The following AMPH variants were observed in gnomAD, a reference collection of about 807,000 sequenced individuals.
AMPH encodes amphiphysin.
A neutral mutation model predicts 99.1 loss-of-function variants in AMPH; 49 were observed. The observed-to-expected ratio is 0.49, with a 90% CI of 0.39 to 0.63. The LOEUF (loss-of-function observed/expected upper bound fraction) is 0.63, where lower values mean the gene tolerates loss of function less well. AMPH is among the 20% of genes least tolerant of loss of function. AMPH has a pLI of 0.00. For missense variants in AMPH, 759 were observed against 863.4 expected (o/e 0.88, Z 1.52); for synonymous variants, 314 against 317.3 (o/e 0.99, Z 0.11).
At chr7:38,529,217 G>C (rs939301992) in intron 2 of AMPH, among the ~76,000 whole-genome samples, 1 of 152,110 alleles carries the variant, frequency 6.6e-6, no homozygotes, top group African/African-American at 2.4e-5. Context: ...AGATAATCCA[G>C]AACATGACCA....
At chr7:38,531,839 A>G (rs758908457) in intron 2 of AMPH, among the ~76,000 whole-genome samples, 3 of 152,160 alleles carry the variant, frequency 2.0e-5, no homozygotes, top group Non-Finnish European at 4.4e-5. Context: ...AAAATATGGA[A>G]TCTAGGTTTC....
chr7:38,454,199 T>C (rs573989326), intron 11 of AMPH, among the ~76,000 whole-genome samples: 1 of 152,330 alleles, frequency 6.6e-6, no homozygotes, highest in East Asian at 1.9e-4. Context: ...ATAAGTGTGC[T>C]TGAAAAGAAT....
At chr7:38,561,943 T>C (rs1371605930) in intron 1 of AMPH, among the ~76,000 whole-genome samples, 1 of 151,450 alleles carries the variant, frequency 6.6e-6, no homozygotes, top group Non-Finnish European at 1.5e-5. Context: ...AAAAGTGTTG[T>C]TACTTAAACC....
chr7:38,537,214 G>A (rs1041591382), intron 1 of AMPH, among the ~76,000 whole-genome samples: 9 of 152,024 alleles, frequency 5.9e-5, no homozygotes, highest in Non-Finnish European at 7.4e-5. Flanking sequence ...AATATAAACT[G>A]AAAATAAGAC....
Position 38,431,656 on chromosome 7 carries a change from TAA to T in AMPH, c.1158+531_1158+532del, listed in dbSNP as rs76704369. 2.8e-3 allele frequency among the ~76,000 whole-genome samples: 334 copies of T among 120,400 alleles called. 1 individual carries two copies. The highest frequency in any genetic ancestry group is 8.5e-3 in the African/African-American group (286 of 33,480). The allele number at this position is 120,400 out of a possible 152,430, so 79.0% of individuals were successfully genotyped here. On this transcript the variant is annotated intron_variant, in intron 13 of 20. Coordinates refer to ENST00000356264, the MANE Select transcript of AMPH (RefSeq NM_001635.4). ...TCAATGAAACAGCGAGACTCCGTCT[TAA>T]AAAAAAAAAAAAAAAAAAGTAATTG... is the stretch of plus-strand genomic sequence containing the variant.
At chr7:38,500,985 T>G (rs1789116277) in intron 3 of AMPH, among the ~76,000 whole-genome samples, 1 of 152,182 alleles carries the variant, frequency 6.6e-6, no homozygotes, top group South Asian at 2.1e-4. Context: ...GTAATAGTAG[T>G]AGGTTGCCAT....
chr7:38,409,645 T>C (rs905145519), intron 17 of AMPH, among the ~76,000 whole-genome samples: 1 of 152,178 alleles, frequency 6.6e-6, no homozygotes, highest in African/African-American at 2.4e-5. Context: ...CAATCATCTT[T>C]TTCAATCTGC....
Position 38,582,467 on chromosome 7 carries a change from A to G in AMPH, c.70-47456T>C, listed in dbSNP as rs147010814. ...GTTCCCAAGAGCTTTCCATGCATCA[A>G]CAGAGTCAAAACTACTCTTATTCTT... is the stretch of plus-strand genomic sequence containing the variant. On this transcript the variant is annotated intron_variant, in intron 1 of 20. Coordinates refer to ENST00000356264, the MANE Select transcript of AMPH (RefSeq NM_001635.4). 5.1e-3 allele frequency among the ~76,000 whole-genome samples: 777 copies of G among 152,358 alleles called. 6 individuals carry two copies. Among genetic ancestry groups the G allele is most frequent in the Non-Finnish European group, 6.1e-3 (415 of 68,030 alleles).
At chr7:38,589,612 T>C (rs757368855) in intron 1 of AMPH, among the ~76,000 whole-genome samples, 17 of 152,240 alleles carry the variant, frequency 1.1e-4, no homozygotes, top group Non-Finnish European at 1.9e-4. Context: ...ACAACAATTT[T>C]GTAGAATACT....
intron 11 of AMPH, among the ~76,000 whole-genome samples, chr7:38,438,534 T>TGA (rs200118884): frequency 0.51 from 76,573 of 149,932 alleles, 19,927 homozygotes; most frequent in Admixed American, 0.57. Context: ...CTGCAAGTTC[T>TGA]CCATAAAATT....
rs143531565 is a variant in AMPH at position 38,620,366 on chromosome 7, G to C, written c.69+10917C>G. ...TGTGTGTGTGTGTGTGTGTGTGTCTGTGTGTGTGTGTTAAAGAAGCAGGAT... is the reference window on the plus strand; with the variant it reads ...TGTGTGTGTGTGTGTGTGTGTGTCTCTGTGTGTGTGTTAAAGAAGCAGGAT... On this transcript the variant is annotated intron_variant, in intron 1 of 20. Coordinates refer to ENST00000356264, the MANE Select transcript of AMPH (RefSeq NM_001635.4). Among the ~76,000 whole-genome samples the C allele has an allele frequency of 1.4e-4, 21 of 146,548 alleles. No homozygotes were observed. In the East Asian group the frequency reaches 2.7e-3, roughly 19 times the overall value.
intron 16 of AMPH, among the ~76,000 whole-genome samples, chr7:38,419,882 T>C (rs917449792): frequency 6.6e-6 from 1 of 152,196 alleles, no homozygotes; most frequent in African/African-American, 2.4e-5. Flanking sequence ...TGCAAAGATA[T>C]CTTAAAATGC....
intron 5 of AMPH, among the ~76,000 whole-genome samples, chr7:38,480,755 A>T (rs1788255276): frequency 6.6e-6 from 1 of 152,150 alleles, no homozygotes; most frequent in Non-Finnish European, 1.5e-5. Flanking sequence ...GACAAGGCTC[A>T]TTACTTTTAG....
At chr7:38,441,030 CTT>C (rs1167058417) in intron 11 of AMPH, among the ~76,000 whole-genome samples, 2 of 151,880 alleles carry the variant, frequency 1.3e-5, no homozygotes, top group African/African-American at 4.8e-5. Context: ...AAGAAACTAA[CTT>C]GAAGTATGTA....
In AMPH at chr7:38,463,117, G is replaced by C. The variant is rs775101521; in HGVS notation, c.750-4C>G. ...AATGCGGAGAGGACCCGAATCACTA[G>C]AGGAACACAGGGGATTGGGCAAGGG... On this transcript the variant is annotated splice_polypyrimidine_tract_variant and splice_region_variant and intron_variant, in intron 9 of 20. Transcript: ENST00000356264. The C allele has an allele frequency of 5.0e-6, 8 of 1,613,900 alleles. No homozygotes were observed. In the Admixed American group the frequency reaches 1.2e-4, roughly 24 times the overall value.
At chr7:38,396,199 T>C (rs1221657920) in intron 17 of AMPH, among the ~76,000 whole-genome samples, 1 of 151,176 alleles carries the variant, frequency 6.6e-6, no homozygotes, top group African/African-American at 2.4e-5. Context: ...TCTCATCTTG[T>C]AGGTCCCATA....
chr7:38,542,529 G>A (rs1790842405), intron 1 of AMPH, among the ~76,000 whole-genome samples: 1 of 152,190 alleles, frequency 6.6e-6, no homozygotes, highest in Non-Finnish European at 1.5e-5. Context: ...CATCAGAGCT[G>A]CTGTAAACAT....
chr7:38,608,649 A>G (rs544873116), intron 1 of AMPH, among the ~76,000 whole-genome samples: 1 of 152,256 alleles, frequency 6.6e-6, no homozygotes, highest in South Asian at 2.1e-4. Context: ...GTCACTACAG[A>G]CACCAATAAT....
chr7:38,584,875 C>T (rs183687455), intron 1 of AMPH, among the ~76,000 whole-genome samples: 36 of 152,304 alleles, frequency 2.4e-4, no homozygotes, highest in African/African-American at 7.9e-4. Flanking sequence ...ATCCAGTGTG[C>T]AAGGGCATAT....
Sources: allele counts gnomAD v4.1 joint callset (sites outside exome capture counted in the v4.1 genomes callset), GRCh38; gene constraint gnomAD v4.1.1; transcripts MANE v1.5; gene names NCBI Gene and HGNC (gene_info 2026-07-23, HGNC 2026-07-21).